The following ZNF521 variants were observed in gnomAD, a reference collection of about 807,000 sequenced individuals.
ZNF521 encodes zinc finger protein 521.
In ZNF521, 14 loss-of-function variants were observed where a neutral mutation model predicts 105.5. The ratio of observed to expected loss-of-function variants is 0.13; its 90% confidence interval spans 0.09 to 0.21. ZNF521 has a LOEUF of 0.21. ZNF521 is among the 10% of genes least tolerant of loss of function. The probability of loss-of-function intolerance (pLI) is 1.00; values close to 1 mark genes in which losing one functional copy is unlikely to be tolerated. For synonymous variants in ZNF521, 635 were observed against 606.0 expected (o/e 1.05, Z -0.70); for missense variants, 1,233 against 1,629.7 (o/e 0.76, Z 4.19).
Position 25,062,588 on chromosome 18 carries a change from G to A in ZNF521, c.*124C>T. The A allele has an allele frequency of 1.5e-6, 2 of 1,317,360 alleles. No homozygotes were observed. Among genetic ancestry groups the A allele is most frequent in the East Asian group, 4.6e-5 (2 of 43,150 alleles). 81.6% of individuals were successfully genotyped at this position (1,317,360 alleles called of 1,614,324 possible). ...AACATCCAACAGTTTGATAATACAA[G>A]TTTTATGGTACAATACAATGTTTCT... On this transcript the variant is annotated 3_prime_UTR_variant, in exon 8 of 8. Coordinates refer to ENST00000361524, the MANE Select transcript of ZNF521 (RefSeq NM_015461.3).
intron 2 of ZNF521, chr18:25,327,571 A>G: frequency 3.2e-6 from 2 of 623,256 alleles, no homozygotes; most frequent in Non-Finnish European, 5.5e-6. Flanking sequence ...ACAGAGAAAA[A>G]GTTACCTTCA....
chr18:25,260,802 T>C (rs539840334), intron 3 of ZNF521, among the ~76,000 whole-genome samples: 1 of 152,208 alleles, frequency 6.6e-6, no homozygotes, highest in East Asian at 1.9e-4. Flanking sequence ...AGGAGAGTCA[T>C]AGGTACAAAT....
At chr18:25,099,033 C>A (rs1322627045) in intron 5 of ZNF521, among the ~76,000 whole-genome samples, 1 of 152,076 alleles carries the variant, frequency 6.6e-6, no homozygotes, top group African/African-American at 2.4e-5. Context: ...CATCTCAATG[C>A]CATAAGAGTG....
intron 2 of ZNF521, chr18:25,327,342 A>G: frequency 1.2e-6 from 1 of 815,348 alleles, no homozygotes; most frequent in Non-Finnish European, 1.5e-6. Context: ...GTTAACAACC[A>G]TCTTGTACTA....
intron 5 of ZNF521, among the ~76,000 whole-genome samples, chr18:25,194,492 A>C (rs9947063): frequency 0.057 from 8,653 of 151,774 alleles, 480 homozygotes; most frequent in African/African-American, 0.14. Flanking sequence ...TAAGTTAAAA[A>C]AATATCCTTT....
At chr18:25,216,631 T>C (rs1905341746) in intron 4 of ZNF521, among the ~76,000 whole-genome samples, 1 of 152,192 alleles carries the variant, frequency 6.6e-6, no homozygotes, top group Non-Finnish European at 1.5e-5. Context: ...CTATCACTGC[T>C]CACTGCAGCC....
intron 5 of ZNF521, among the ~76,000 whole-genome samples, chr18:25,095,160 G>C (rs551077874): frequency 6.6e-6 from 1 of 152,150 alleles, no homozygotes; most frequent in South Asian, 2.1e-4. Context: ...TCTGGTATAA[G>C]GTAGTAAAGA....
intron 7 of ZNF521, among the ~76,000 whole-genome samples, chr18:25,079,304 G>A (rs573671148): frequency 5.9e-5 from 9 of 152,272 alleles, no homozygotes; most frequent in African/African-American, 1.7e-4. Context: ...GTTAGTTTGG[G>A]TTGTGATGCA....
intron 4 of ZNF521, chr18:25,202,866 G>A (rs2036015677): frequency 1.3e-5 from 2 of 152,184 alleles, no homozygotes; most frequent in Admixed American, 6.5e-5. Flanking sequence ...TTATTGAAAT[G>A]TAATGAAAGC....
chr18:25,167,593 A>T (rs2035367592), intron 5 of ZNF521, among the ~76,000 whole-genome samples: 3 of 152,210 alleles, frequency 2.0e-5, no homozygotes, highest in African/African-American at 7.2e-5. Flanking sequence ...TATTTAAAAA[A>T]TGCTTTTCTA....
chr18:25,191,337 C>T (rs2035814404), intron 5 of ZNF521, among the ~76,000 whole-genome samples: 2 of 152,150 alleles, frequency 1.3e-5, no homozygotes, highest in South Asian at 4.1e-4. Context: ...GACTACTTGT[C>T]CTCCAAAGTC....
In ZNF521 at chr18:25,062,752, C is replaced by CCCAAAA; in HGVS notation, c.3907-12_3907-11insTTTTGG. 1 of 359,496 alleles carries CCCAAAA rather than the reference C, an allele frequency of 2.8e-6. No individual in the cohort carries two copies. Among genetic ancestry groups the CCCAAAA allele is most frequent in the South Asian group, 3.3e-5 (1 of 29,930 alleles). The allele number at this position is 359,496 out of a possible 1,614,324, so 22.3% of individuals were successfully genotyped here. A position where few individuals can be genotyped will look rare whatever the true frequency, so the allele number is the denominator to read the frequency against. ...GGTCATTGTATGATTCTGTAAATAA[C>CCCAAAA]AAAAAAAAAAAAAAAAAAAAAAAAA... On this transcript the variant is annotated splice_polypyrimidine_tract_variant and intron_variant, in intron 7 of 7. Transcript: ENST00000361524.
intron 5 of ZNF521, among the ~76,000 whole-genome samples, chr18:25,099,224 T>A (rs2033915243): frequency 6.6e-6 from 1 of 152,196 alleles, no homozygotes; most frequent in Non-Finnish European, 1.5e-5. Context: ...TAGCAAACCC[T>A]ATATTTAATT....
At chr18:25,086,330 A>AG (rs2033621867) in intron 7 of ZNF521, among the ~76,000 whole-genome samples, 1 of 152,162 alleles carries the variant, frequency 6.6e-6, no homozygotes, top group Non-Finnish European at 1.5e-5. Flanking sequence ...TTTTAAAATT[A>AG]CATTAATTCC....
At chr18:25,337,573 C>T (rs1372090789) in intron 2 of ZNF521, among the ~76,000 whole-genome samples, 1 of 152,158 alleles carries the variant, frequency 6.6e-6, no homozygotes, top group African/African-American at 2.4e-5. Flanking sequence ...ATTAAAATGT[C>T]AATTAAATAC....
intron 3 of ZNF521, among the ~76,000 whole-genome samples, chr18:25,304,580 C>T (rs753892929): frequency 5.9e-5 from 9 of 152,234 alleles, no homozygotes; most frequent in South Asian, 2.1e-4. Context: ...TTTTCTGAGG[C>T]GATACCAGAA....
At chr18:25,270,297 CA>C (rs1299152897) in intron 3 of ZNF521, among the ~76,000 whole-genome samples, 1 of 151,846 alleles carries the variant, frequency 6.6e-6, no homozygotes, top group Non-Finnish European at 1.5e-5. Flanking sequence ...GCCTACCAAC[CA>C]AAAAAAGTCC....
In ZNF521 at chr18:25,322,099, G is replaced by T; in HGVS notation, c.129C>A (p.Asp43Glu). Reference protein sequence around the residue: ...KRPEDGEELEDEAVHSCDSCL... With the variant: ...KRPEDGEELEEEAVHSCDSCL... ...AGCTGTCACAGCTGTGCACAGCTTC[G>T]TCTTCCAACTCCTCCCCGTCTTCCG... The change falls in exon 3 of 8, where the codon GAC becomes GAA. Residue 43 changes from aspartate (D) to glutamate (E), a missense_variant. Asp to Glu is a conservative substitution (Grantham distance 45, BLOSUM62 2). This residue lies in a region of ZNF521 where 76 missense variants were observed against 79.3 expected (regional missense o/e 0.96). Transcript: ENST00000361524. 1.2e-6 allele frequency: 2 copies of T among 1,614,096 alleles called. No individual in the cohort carries two copies. The highest frequency in any genetic ancestry group is 1.7e-6 in the Non-Finnish European group (2 of 1,180,012).
chr18:25,276,354 T>C (rs955376278), intron 3 of ZNF521, among the ~76,000 whole-genome samples: 2 of 152,202 alleles, frequency 1.3e-5, no homozygotes, highest in African/African-American at 2.4e-5. Flanking sequence ...CTGAGAGATA[T>C]ACAAAATTAA....
Sources: gnomAD v4.1 joint callset for allele counts (sites outside exome capture counted in the v4.1 genomes callset) on GRCh38, gnomAD v4.1.1 for gene constraint, gnomAD v4.1.1 regional missense constraint, MANE v1.5 for transcripts, NCBI Gene and HGNC (gene_info 2026-07-23, HGNC 2026-07-21) for gene names.